HAUS3: variants seen among roughly 807,000 people sequenced by gnomAD.
HAUS3 encodes HAUS augmin like complex subunit 3.
A neutral mutation model predicts 55.2 loss-of-function variants in HAUS3; 36 were observed. That is an observed-to-expected ratio of 0.65 (90% confidence interval 0.50 to 0.86). The LOEUF (loss-of-function observed/expected upper bound fraction) is 0.86. Ranked by LOEUF, HAUS3 falls within the 40% of genes least tolerant of loss-of-function variation. The pLI is 0.00. For missense variants in HAUS3, 752 were observed against 671.5 expected, an observed-to-expected ratio of 1.12 and a Z score of -1.33; for synonymous variants, 234 against 238.6, an observed-to-expected ratio of 0.98 and a Z score of 0.18.
chr4:2,241,983 G>C (rs1297006110), intron 1 of HAUS3, 68 bp downstream of exon 1: 3 of 985,578 alleles, frequency 3.0e-6, no homozygotes, highest in Non-Finnish European at 3.6e-6. Flanking sequence ...CCTGGGTGCA[G>C]ACGGGGATCG....
rs749138515 is a variant in HAUS3 at position 2,229,424 on chromosome 4, C to T, written c.*2503G>A. ...AGATAGAAAGAAAAAAGCAAAATAG[C>T]TAGAGGCTTAATCCAGGTATCATAG... On this transcript the variant is annotated 3_prime_UTR_variant, in exon 6 of 6. Transcript: ENST00000443786. 53 of 475,092 alleles carry T rather than the reference C, an allele frequency of 1.1e-4. No individual in the cohort carries two copies. Among genetic ancestry groups the T allele is most frequent in the Non-Finnish European group, 1.8e-4 (49 of 278,462 alleles). 29.4% of individuals were successfully genotyped at this position (475,092 alleles called of 1,614,324 possible). A position where few individuals can be genotyped will look rare whatever the true frequency, so the allele number is the denominator to read the frequency against.
At position 2,242,094 on chromosome 4, in the gene HAUS3, G is replaced by T. The variant is rs1226916532; in HGVS notation, c.-462C>A. The T allele has an allele frequency of 1.0e-6, 1 of 985,864 alleles. No individual in the cohort carries two copies. The highest frequency in any genetic ancestry group is 1.2e-6 in the Non-Finnish European group (1 of 830,250). The allele number at this position is 985,864 out of a possible 1,614,324, so 61.1% of individuals were successfully genotyped here. ...CTTCTCGCAGGAGCCCGCCGCCACC[G>T]CCCTCCGTGCCCCGCGCGCCTCGCA... On this transcript the variant is annotated 5_prime_UTR_variant, in exon 1 of 6. Transcript: ENST00000443786.
At chr4:2,239,149 G>C in intron 3 of HAUS3, 106 bp from the exon 4 acceptor site, 3 of 552,558 alleles carry the variant, frequency 5.4e-6, no homozygotes, top group Non-Finnish European at 9.0e-6. Flanking sequence ...TAAGCTCAAT[G>C]AATGAAAACT....
rs114124408 is a variant in HAUS3, at chr4:2,237,261, T to C, written c.1350-805A>G. ...GACTTGGCAACATATTGAAGCCCCA[T>C]CTCTACAAATTTTTTTTTTTTTTAA... On this transcript the variant is annotated intron_variant, in intron 4 of 5. Transcript: ENST00000443786. Among the ~76,000 whole-genome samples, 11 of 146,672 alleles carry C rather than the reference T, an allele frequency of 7.5e-5. No individual in the cohort carries two copies. The South Asian group carries it at 2.3e-3, about 31-fold the overall frequency.
In HAUS3 at chr4:2,231,948, C is replaced by T; in HGVS notation, c.1791G>A (p.Lys597=). 1 of 1,394,682 alleles carries T rather than the reference C, an allele frequency of 7.2e-7. No individual in the cohort carries two copies. The highest frequency in any genetic ancestry group is 1.8e-4 in the Middle Eastern group (1 of 5,592). 86.4% of individuals were successfully genotyped at this position (1,394,682 alleles called of 1,614,324 possible). Residue 597 remains lysine (K), a synonymous_variant, in exon 6 of 6, where the codon AAG becomes AAA. Coordinates refer to ENST00000443786, the MANE Select transcript of HAUS3 (RefSeq NM_001303143.2). Reference sequence around the variant, plus strand: ...ATTTTCAATCTTCAAGACTAACAGCCTTAATCTTTGATTGAGTTTCTAAAT... The same window carrying T: ...ATTTTCAATCTTCAAGACTAACAGCTTTAATCTTTGATTGAGTTTCTAAAT... ...VENLETQSKI[K]AVSLED
chr4:2,241,101 G>A lies in HAUS3; in HGVS notation c.-147-8C>T. ...AATCTATAATGATTCCTCCTAGGGG[G>A]GAAGAAAACAAGTATTAGACCACAA... On this transcript the variant is annotated splice_region_variant and splice_polypyrimidine_tract_variant and intron_variant, in intron 2 of 5. Transcript: ENST00000443786. 2 of 583,404 alleles carry A rather than the reference G, an allele frequency of 3.4e-6. No individual in the cohort carries two copies. Among genetic ancestry groups the A allele is most frequent in the Admixed American group, 3.6e-5 (1 of 27,726 alleles). The allele number at this position is 583,404 out of a possible 1,614,324, so 36.1% of individuals were successfully genotyped here.
At chr4:2,234,788 C>T (rs1577796215) in intron 5 of HAUS3, among the ~76,000 whole-genome samples, 3 of 152,242 alleles carry the variant, frequency 2.0e-5, no homozygotes, top group South Asian at 4.1e-4. Context: ...CAATTTAAAA[C>T]GACCAGGATA....
rs1734940186 is a variant in HAUS3, at chr4:2,240,489, C to T, written c.458G>A (p.Gly153Glu). The T allele has an allele frequency of 6.2e-7, 1 of 1,613,818 alleles. No individual in the cohort carries two copies. The highest frequency in any genetic ancestry group is 8.5e-7 in the Non-Finnish European group (1 of 1,179,940). The change falls in exon 3 of 6, where the codon GGA (glycine) becomes GAA (glutamate). Residue 153 changes from glycine (G) to glutamate (E), a missense_variant. Physicochemically the swap from Gly to Glu is moderately conservative, Grantham distance 98. Transcript: ENST00000443786. ...CTTAGTGATCATTGCATTTAGAATT[C>T]CTTGACTCTGCTTCAGCTTTTTAGT... ...EATKKLKQSQGILNAMITKIS... is the reference protein window; with the variant it reads ...EATKKLKQSQEILNAMITKIS...
Position 2,239,058 on chromosome 4 carries a change from G to T in HAUS3, c.910-15C>A, listed in dbSNP as rs749313514. 1 of 1,395,146 alleles carries T rather than the reference G, an allele frequency of 7.2e-7. No individual in the cohort carries two copies. Among genetic ancestry groups the T allele is most frequent in the African/African-American group, 1.4e-5 (1 of 69,840 alleles). 86.4% of individuals were successfully genotyped at this position (1,395,146 alleles called of 1,614,324 possible). On this transcript the variant is annotated splice_polypyrimidine_tract_variant and intron_variant, in intron 3 of 5. Coordinates refer to ENST00000443786, the MANE Select transcript of HAUS3 (RefSeq NM_001303143.2). ...TTGTCCACAGCCTATACAAAGAAAA[G>T]CAATTACATTTCAAACTGTATGCCT...
chr4:2,240,042 C>T lies in HAUS3; in HGVS notation c.905G>A (p.Ser302Asn). The change falls in exon 3 of 6, where the codon AGC (serine) becomes AAC (asparagine). Residue 302 changes from serine (S) to asparagine (N), a missense_variant. Transcript: ENST00000443786. ...WAEESLHSLTSKAVDKENLDA... is the reference protein window; with the variant it reads ...WAEESLHSLTNKAVDKENLDA... ...AATCTCATTTCTTATGCTTACCTTG[C>T]TGGTTAGGCTGTGAAGACTCTCCTC... 6.2e-7 allele frequency: 1 copy of T among 1,610,144 alleles called. No homozygotes were observed. The highest frequency in any genetic ancestry group is 1.7e-5 in the Admixed American group (1 of 59,376).
At position 2,240,589 on chromosome 4, in the gene HAUS3, G is replaced by A. The variant is rs761554955; in HGVS notation, c.358C>T (p.Arg120Cys). 1 of 1,612,458 alleles carries A rather than the reference G, an allele frequency of 6.2e-7. No individual in the cohort carries two copies. Among genetic ancestry groups the A allele is most frequent in the South Asian group, 1.1e-5 (1 of 90,572 alleles). ...LKLKNLKIQR[R>C]NKCQLMASVT... Reference sequence around the variant, plus strand: ...GAAGCCATCAATTGACATTTATTACGTCGCTGAATTTTTAGGTTCTTTAAT... The same window carrying A: ...GAAGCCATCAATTGACATTTATTACATCGCTGAATTTTTAGGTTCTTTAAT... Residue 120 changes from arginine to cysteine, a missense_variant, in exon 3 of 6, where the codon CGT becomes TGT. Transcript: ENST00000443786.
intron 4 of HAUS3, 26 bp from the exon 5 acceptor site, chr4:2,236,482 G>A: frequency 6.7e-7 from 1 of 1,496,694 alleles, no homozygotes; most frequent in Non-Finnish European, 9.3e-7. Context: ...TAAAATTATA[G>A]GGAAAAATTA....
chr4:2,240,605 G>A lies in HAUS3; in HGVS notation c.342C>T (p.Asn114=). ...DEVQTLLKLK[N]LKIQRRNKCQ... ...ATTTATTACGTCGCTGAATTTTTAG[G>A]TTCTTTAATTTCAGTAGAGTTTGAA... The change falls in exon 3 of 6, where the codon AAC becomes AAT. Residue 114 remains asparagine (N), a synonymous_variant. Transcript: ENST00000443786. 6.2e-7 allele frequency: 1 copy of A among 1,613,004 alleles called. No homozygotes were observed. The highest frequency in any genetic ancestry group is 1.3e-5 in the African/African-American group (1 of 74,886).
In HAUS3 at chr4:2,241,032, A is replaced by G; in HGVS notation, c.-86T>C. 1 of 952,488 alleles carries G rather than the reference A, an allele frequency of 1.0e-6. No individual in the cohort carries two copies. Among genetic ancestry groups the G allele is most frequent in the Non-Finnish European group, 1.6e-6 (1 of 627,356 alleles). The allele number at this position is 952,488 out of a possible 1,614,324, so 59.0% of individuals were successfully genotyped here. ...AATAAATCCAAGCAGAAAAAAAGCT[A>G]CGTTTTATACCAAGTCCACAGAGAA... On this transcript the variant is annotated 5_prime_UTR_variant, in exon 3 of 6. Coordinates refer to ENST00000443786, the MANE Select transcript of HAUS3 (RefSeq NM_001303143.2).
At chr4:2,236,979 T>C (rs143867142) in intron 4 of HAUS3, among the ~76,000 whole-genome samples, 35 of 151,788 alleles carry the variant, frequency 2.3e-4, no homozygotes, top group African/African-American at 7.7e-4. Flanking sequence ...TACAGAAATA[T>C]ATATTCTAAC....
chr4:2,232,189 A>G (rs1560102521), intron 5 of HAUS3, 29 bp from the exon 6 acceptor site: 4 of 1,047,438 alleles, frequency 3.8e-6, no homozygotes, highest in Non-Finnish European at 5.5e-6. Context: ...AATAAAAATT[A>G]AAACACTTTA....
rs1306059164 is a variant in HAUS3 at position 2,240,126 on chromosome 4, T to A, written c.821A>T (p.His274Leu). Reference protein sequence around the residue: ...RLQLAYICAQHQLIHLKASNS... With the variant: ...RLQLAYICAQLQLIHLKASNS... Reference sequence around the variant, plus strand: ...ACTTGCTTTTAAGTGAATTAACTGATGTTGAGCACAAATGTATGCGAGCTG... The same window carrying A: ...ACTTGCTTTTAAGTGAATTAACTGAAGTTGAGCACAAATGTATGCGAGCTG... The change falls in exon 3 of 6, where the codon CAT (histidine) becomes CTT (leucine). Residue 274 changes from histidine (H) to leucine (L), a missense_variant. His to Leu is a moderately conservative substitution (Grantham distance 99). Coordinates refer to ENST00000443786, the MANE Select transcript of HAUS3 (RefSeq NM_001303143.2). 9 of 1,613,880 alleles carry A rather than the reference T, an allele frequency of 5.6e-6. No homozygotes were observed. Among genetic ancestry groups the A allele is most frequent in the African/African-American group, 1.3e-5 (1 of 74,940 alleles).
chr4:2,235,808 T>A (rs1025953707), intron 5 of HAUS3, among the ~76,000 whole-genome samples: 7 of 152,056 alleles, frequency 4.6e-5, no homozygotes, highest in African/African-American at 1.7e-4. Context: ...AAGAAAATAA[T>A]GAACAAATTA....
Position 2,229,277 on chromosome 4 carries a change from A to G in HAUS3, c.*2650T>C, listed in dbSNP as rs760525724. 53 of 1,490,014 alleles carry G rather than the reference A, an allele frequency of 3.6e-5. No individual in the cohort carries two copies. Among genetic ancestry groups the G allele is most frequent in the Non-Finnish European group, 4.5e-5 (49 of 1,097,308 alleles). The allele number at this position is 1,490,014 out of a possible 1,614,324, so 92.3% of individuals were successfully genotyped here. ...AAGATTAACATAAGATAAATCCCAT[A>G]TATTAATCCTAAGACTATAAAACAG... On this transcript the variant is annotated 3_prime_UTR_variant, in exon 6 of 6. Transcript: ENST00000443786.
Sources: allele counts gnomAD v4.1 joint callset (sites outside exome capture counted in the v4.1 genomes callset), GRCh38; gene constraint gnomAD v4.1.1; transcripts MANE v1.5; gene names NCBI Gene and HGNC (gene_info 2026-07-23, HGNC 2026-07-21).